Variants in MS4A7 observed in about 807,000 individuals in gnomAD.
The protein encoded by MS4A7 is membrane spanning 4-domains A7.
Under a neutral mutation model 23.5 loss-of-function variants are expected in MS4A7, and 21 were observed. That is an observed-to-expected ratio of 0.89 (90% CI 0.63 to 1.29). The LOEUF is 1.29. Among genes scored for constraint, MS4A7 ranks in the 50% most tolerant of loss-of-function variants. MS4A7 has a pLI of 0.00. For missense variants in MS4A7, 263 were observed against 274.2 expected, an observed-to-expected ratio of 0.96 and a Z score of 0.29; for synonymous variants, 111 against 107.4, an observed-to-expected ratio of 1.03 and a Z score of -0.21.
chr11:60,386,320 A>G (rs1369563121), intron 3 of MS4A7, among the ~76,000 whole-genome samples: 3 of 152,202 alleles, frequency 2.0e-5, no homozygotes, highest in Non-Finnish European at 4.4e-5. Context: ...TTGTCCCATC[A>G]GAGCCTCTTT....
intron 5 of MS4A7, among the ~76,000 whole-genome samples, chr11:60,390,215 G>A (rs538582739): frequency 5.3e-5 from 8 of 152,228 alleles, no homozygotes; most frequent in East Asian, 1.9e-4. Context: ...GGGAGACAAC[G>A]GATTTGACTT....
chr11:60,387,967 G>T (rs964965632), intron 4 of MS4A7, among the ~76,000 whole-genome samples: 6 of 152,194 alleles, frequency 3.9e-5, no homozygotes, highest in African/African-American at 1.4e-4. Context: ...ACACTGATGT[G>T]CCAGGCTCTG....
At chr11:60,385,243 A>G in intron 3 of MS4A7, 21 bp downstream of exon 3, 1 of 1,613,670 alleles carries the variant, frequency 6.2e-7, no homozygotes, top group Non-Finnish European at 8.5e-7. Flanking sequence ...TGGGGACTCT[A>G]AGAGGGGACA....
At chr11:60,380,204 G>A (rs1384987431) in intron 1 of MS4A7, among the ~76,000 whole-genome samples, 4 of 152,206 alleles carry the variant, frequency 2.6e-5, no homozygotes, top group Admixed American at 2.6e-4. Flanking sequence ...GATGTCTACA[G>A]AATAATGTTG....
At chr11:60,385,989 A>G (rs987962083) in intron 3 of MS4A7, among the ~76,000 whole-genome samples, 5 of 152,190 alleles carry the variant, frequency 3.3e-5, no homozygotes, top group Non-Finnish European at 7.4e-5. Flanking sequence ...CCTGCCCCAG[A>G]GCACAATTTG....
Position 60,392,717 on chromosome 11 carries a change from G to A in MS4A7, c.579G>A (p.Val193=). 6.2e-7 allele frequency: 1 copy of A among 1,613,922 alleles called. No individual in the cohort carries two copies. Among genetic ancestry groups the A allele is most frequent in the Non-Finnish European group, 8.5e-7 (1 of 1,179,946 alleles). Residue 193 remains valine (V), a synonymous_variant, in exon 6 of 7, where the codon GTG becomes GTA. Coordinates refer to ENST00000300184, the MANE Select transcript of MS4A7 (RefSeq NM_021201.5). ...GVLVVMLIFT[V]LELLLAAYSS... ...TAGTGGTGATGCTCATCTTCACTGT[G>A]CTGGAGCTCTTATTAGCTGCATACA...
At chr11:60,387,850 A>C (rs1038056875) in intron 4 of MS4A7, among the ~76,000 whole-genome samples, 8 of 152,258 alleles carry the variant, frequency 5.3e-5, no homozygotes, top group Admixed American at 2.6e-4. Context: ...ACCTACCTAC[A>C]GGTGGATCAG....
rs746984260 is a variant in MS4A7, at chr11:60,393,839, G to A, written c.701G>A (p.Ser234Asn). Residue 234 changes from serine to asparagine, a missense_variant, in exon 7 of 7, where the codon AGT (serine) becomes AAT (asparagine). Physicochemically the swap from Ser to Asn is conservative, Grantham distance 46. Coordinates refer to ENST00000300184, the MANE Select transcript of MS4A7 (RefSeq NM_021201.5). Reference protein sequence around the residue: ...SQDHIQQVKKSSSRSWI With the variant: ...SQDHIQQVKKNSSRSWI ...GATCATATCCAACAGGTCAAAAAGA[G>A]TTCTTCACGGTCTTGGATATAAGTA... The A allele has an allele frequency of 2.5e-6, 4 of 1,610,922 alleles. No individual in the cohort carries two copies. The Admixed American group carries it at 5.0e-5, about 20-fold the overall frequency.
intron 4 of MS4A7, among the ~76,000 whole-genome samples, chr11:60,387,851 G>A (rs529308816): frequency 1.2e-4 from 18 of 152,306 alleles, no homozygotes; most frequent in South Asian, 4.1e-4. Context: ...CCTACCTACA[G>A]GTGGATCAGG....
In MS4A7 at chr11:60,386,745, T is replaced by G. The variant is rs748276788; in HGVS notation, c.311T>G (p.Ile104Ser). The change falls in exon 4 of 7, where the codon ATC becomes AGC. Residue 104 changes from isoleucine (I) to serine (S), a missense_variant. By Grantham distance (142) the Ile-to-Ser change is moderately radical (BLOSUM62 -2). Transcript: ENST00000300184. ...GGCATTACTGGATCCCTCTCAATTA[T>G]CTCTGGAAAACAATCAACTAAGCCC... The part of the protein sequence containing the change: ...CFGITGSLSI[I>S]SGKQSTKPFD... The G allele has an allele frequency of 1.2e-6, 2 of 1,613,422 alleles. No homozygotes were observed. The highest frequency in any genetic ancestry group is 1.7e-6 in the Non-Finnish European group (2 of 1,179,436).
At chr11:60,380,602 G>A (rs1425865283) in intron 1 of MS4A7, among the ~76,000 whole-genome samples, 1 of 152,126 alleles carries the variant, frequency 6.6e-6, no homozygotes, top group East Asian at 1.9e-4. Context: ...TATGAGATTC[G>A]AAAAATAAAG....
Position 60,393,983 on chromosome 11 carries a change from T to G in MS4A7, c.*122T>G, listed in dbSNP as rs2085582829. ...AACAAACTAAAAAAAAAAAAGCTTT[T>G]GTTTTGTATTTGTTTACTATGAGTC... On this transcript the variant is annotated 3_prime_UTR_variant, in exon 7 of 7. Transcript: ENST00000300184. 2 of 553,738 alleles carry G rather than the reference T, an allele frequency of 3.6e-6. No homozygotes were observed. Among genetic ancestry groups the G allele is most frequent in the South Asian group, 7.5e-5 (2 of 26,650 alleles). The allele number at this position is 553,738 out of a possible 1,614,324, so 34.3% of individuals were successfully genotyped here.
At chr11:60,384,470 AACATACCTGTTGT>A (rs1258085962) in intron 2 of MS4A7, among the ~76,000 whole-genome samples, 2 of 152,218 alleles carry the variant, frequency 1.3e-5, no homozygotes, top group Admixed American at 6.5e-5. Context: ...CCTGGCACAC[AACATACCTGTTGT>A]GGTATTCAAT....
chr11:60,388,355 G>T (rs1322366956), intron 4 of MS4A7, among the ~76,000 whole-genome samples: 1 of 152,178 alleles, frequency 6.6e-6, no homozygotes, highest in Non-Finnish European at 1.5e-5. Context: ...GCACACAGAT[G>T]GATCAGTGAC....
chr11:60,392,577 C>T, intron 5 of MS4A7, 108 bp from the exon 6 acceptor site: 1 of 728,610 alleles, frequency 1.4e-6, no homozygotes, highest in Non-Finnish European at 2.3e-6. Context: ...GCAATTTTCC[C>T]TGTCTCCTTT....
chr11:60,387,451 A>G (rs1372642901), intron 4 of MS4A7, among the ~76,000 whole-genome samples: 1 of 152,172 alleles, frequency 6.6e-6, no homozygotes, highest in Non-Finnish European at 1.5e-5. Flanking sequence ...TCAGGTGGGG[A>G]GGCATTCATT....
Position 60,389,406 on chromosome 11 carries a change from C to T in MS4A7, c.356C>T (p.Thr119Ile), listed in dbSNP as rs77432050. Residue 119 changes from threonine to isoleucine, a missense_variant, in exon 5 of 7, where the codon ACC becomes ATC. Coordinates refer to ENST00000300184, the MANE Select transcript of MS4A7 (RefSeq NM_021201.5). ...CTCTTCCAGGACCTGAGCAGCTTGA[C>T]CTCAAATGCAGTGAGTTCTGTTACT... Reference protein sequence around the residue: ...STKPFDLSSLTSNAVSSVTAG... With the variant: ...STKPFDLSSLISNAVSSVTAG... 1.2e-6 allele frequency: 2 copies of T among 1,612,198 alleles called. No individual in the cohort carries two copies. The highest frequency in any genetic ancestry group is 2.2e-5 in the East Asian group (1 of 44,864).
Position 60,386,735 on chromosome 11 carries a change from C to G in MS4A7, c.301C>G (p.Leu101Val), listed in dbSNP as rs1293607345. ...TGGGCAGTTTGGCATTACTGGATCCCTCTCAATTATCTCTGGAAAACAATC... is the reference window on the plus strand; with the variant it reads ...TGGGCAGTTTGGCATTACTGGATCCGTCTCAATTATCTCTGGAAAACAATC... ...GALCFGITGS[L>V]SIISGKQSTK... The change falls in exon 4 of 7, where the codon CTC becomes GTC. Residue 101 changes from leucine to valine, a missense_variant. Leu to Val is a conservative substitution (Grantham distance 32, BLOSUM62 1). Coordinates refer to ENST00000300184, the MANE Select transcript of MS4A7 (RefSeq NM_021201.5). 6.2e-7 allele frequency: 1 copy of G among 1,613,106 alleles called. No individual in the cohort carries two copies. Among genetic ancestry groups the G allele is most frequent in the Admixed American group, 1.7e-5 (1 of 59,976 alleles).
intron 4 of MS4A7, among the ~76,000 whole-genome samples, chr11:60,388,538 A>G (rs1188935089): frequency 2.6e-5 from 4 of 152,216 alleles, no homozygotes; most frequent in African/African-American, 4.8e-5. Flanking sequence ...TGCACCATCC[A>G]TGTGTCCTCA....
Sources: allele counts gnomAD v4.1 joint callset (sites outside exome capture counted in the v4.1 genomes callset), GRCh38; gene constraint gnomAD v4.1.1; transcripts MANE v1.5; gene names NCBI Gene and HGNC (gene_info 2026-07-23, HGNC 2026-07-21).